Variants in WNT2 observed in about 807,000 individuals in gnomAD.
The protein encoded by WNT2 is Wnt family member 2.
A neutral mutation model predicts 36.9 loss-of-function variants in WNT2; 12 were observed. The ratio of observed to expected loss-of-function variants is 0.33; its 90% confidence interval spans 0.21 to 0.53. The LOEUF is 0.53. Ranked by LOEUF, WNT2 falls within the 20% of genes least tolerant of loss-of-function variation. The probability of loss-of-function intolerance (pLI) is 0.95; values close to 1 mark genes in which losing one functional copy is unlikely to be tolerated. For synonymous variants in WNT2, 163 were observed against 174.6 expected (o/e 0.93, Z 0.52); for missense variants, 379 against 473.1 (o/e 0.80, Z 1.84).
chr7:117,292,563 T>C (rs1295010537), intron 4 of WNT2, among the ~76,000 whole-genome samples: 2 of 152,162 alleles, frequency 1.3e-5, no homozygotes, highest in Non-Finnish European at 2.9e-5. Flanking sequence ...TCTGTCCCCA[T>C]CCAGGAATAA....
In WNT2 at chr7:117,304,432, A is replaced by ATT. The variant is rs3034483; in HGVS notation, c.589-6558_589-6557dup. 4.1e-3 allele frequency among the ~76,000 whole-genome samples: 476 copies of ATT among 116,902 alleles called. 1 individual carries two copies. Among genetic ancestry groups the ATT allele is most frequent in the African/African-American group, 0.014 (437 of 30,896 alleles). 76.7% of individuals were successfully genotyped at this position (116,902 alleles called of 152,430 possible). ...AGCCCCTTTCAATCCTCTCCTCCAC[A>ATT]TTTTTTTTTTTTTTTTTTTTTGAGA... On this transcript the variant is annotated intron_variant, in intron 3 of 4. Coordinates refer to ENST00000265441, the MANE Select transcript of WNT2 (RefSeq NM_003391.3).
At chr7:117,293,990 G>C (rs1304965499) in intron 4 of WNT2, among the ~76,000 whole-genome samples, 1 of 152,162 alleles carries the variant, frequency 6.6e-6, no homozygotes, top group Non-Finnish European at 1.5e-5. Flanking sequence ...TTCTCTCCAG[G>C]ATGACTGACT....
At chr7:117,289,215 G>A (rs922756639) in intron 4 of WNT2, among the ~76,000 whole-genome samples, 4 of 151,754 alleles carry the variant, frequency 2.6e-5, no homozygotes, top group African/African-American at 9.7e-5. Context: ...CCACCACAAC[G>A]CCCGGCTAAT....
intron 3 of WNT2, among the ~76,000 whole-genome samples, chr7:117,299,499 T>C (rs1282112101): frequency 3.3e-5 from 5 of 151,448 alleles, no homozygotes; most frequent in Admixed American, 2.0e-4. Context: ...TCTTTCTTTT[T>C]TTTTTTTTTT....
intron 3 of WNT2, among the ~76,000 whole-genome samples, chr7:117,298,620 C>A (rs1387781465): frequency 2.6e-5 from 4 of 152,158 alleles, no homozygotes; most frequent in African/African-American, 9.7e-5. Flanking sequence ...ATAGAGACCC[C>A]TTTTCTGTGG....
At chr7:117,283,399 C>A (rs957392048) in intron 4 of WNT2, among the ~76,000 whole-genome samples, 1 of 152,242 alleles carries the variant, frequency 6.6e-6, no homozygotes, top group African/African-American at 2.4e-5. Context: ...CCGTACCATG[C>A]ATTAGAATTC....
In WNT2 at chr7:117,297,830, C is replaced by T; in HGVS notation, c.635G>A (p.Ser212Asn). 1.2e-6 allele frequency: 2 copies of T among 1,614,134 alleles called. No homozygotes were observed. Among genetic ancestry groups the T allele is most frequent in the Non-Finnish European group, 1.7e-6 (2 of 1,180,004 alleles). Residue 212 changes from serine to asparagine, a missense_variant, in exon 4 of 5, where the codon AGC (serine) becomes AAC (asparagine). Transcript: ENST00000265441. ...LKQECKCHGV[S>N]GSCTLRTCWL... is the part of the protein sequence containing the mutation. ...GCATGTCCTGAGAGTACATGAGCCG[C>T]TCACCCCGTGGCACTTGCACTCTTG...
In WNT2 at chr7:117,275,947, G is replaced by T. The variant is rs1794352236; in HGVS notation, c.*2208C>A. Among the ~76,000 whole-genome samples the T allele has an allele frequency of 6.6e-6, 1 of 152,176 alleles. No homozygotes were observed. The highest frequency in any genetic ancestry group is 1.5e-5 in the Non-Finnish European group (1 of 68,022). On this transcript the variant is annotated 3_prime_UTR_variant, in exon 5 of 5. Coordinates refer to ENST00000265441, the MANE Select transcript of WNT2 (RefSeq NM_003391.3). Reference sequence around the variant, plus strand: ...ATATCTCAGCATAAAAAGAATGTCAGATCTAAACATACCAGGCATAAAAAA... The same window carrying T: ...ATATCTCAGCATAAAAAGAATGTCATATCTAAACATACCAGGCATAAAAAA...
At chr7:117,312,512 G>T (rs1359344744) in intron 3 of WNT2, among the ~76,000 whole-genome samples, 1 of 152,194 alleles carries the variant, frequency 6.6e-6, no homozygotes, top group African/African-American at 2.4e-5. Context: ...ATGTAATTTG[G>T]AAGTTTTTAT....
intron 4 of WNT2, among the ~76,000 whole-genome samples, chr7:117,292,793 T>C (rs1295655736): frequency 6.6e-6 from 1 of 152,104 alleles, no homozygotes; most frequent in East Asian, 1.9e-4. Context: ...TGGGAGATGT[T>C]TTTTGGGAGA....
In WNT2 at chr7:117,278,272, G is replaced by C; in HGVS notation, c.966C>G (p.Thr322=). 1.2e-6 allele frequency: 2 copies of C among 1,614,230 alleles called. No homozygotes were observed. Among genetic ancestry groups the C allele is most frequent in the Non-Finnish European group, 1.7e-6 (2 of 1,180,042 alleles). ...GYDTSHVTRM[T]KCGCKFHWCC... ...ACCAGTGGAACTTACACCCACACTT[G>C]GTCATCCGGGTGACATGGGAGGTGT... The change falls in exon 5 of 5, where the codon ACC becomes ACG. Residue 322 remains threonine, a synonymous_variant. Coordinates refer to ENST00000265441, the MANE Select transcript of WNT2 (RefSeq NM_003391.3).
chr7:117,282,997 G>A lies in WNT2; in HGVS notation c.854-4613C>T, dbSNP rs73478593. Among the ~76,000 whole-genome samples the A allele has an allele frequency of 3.0e-3, 456 of 152,304 alleles. 3 individuals carry two copies. The highest frequency in any genetic ancestry group is 0.01 in the African/African-American group (436 of 41,558). ...GGATGAGAAAAGTCAAGGTTTCTCA[G>A]GTTCTGGCCTGAGTGACTGTTGGTG... is the stretch of plus-strand genomic sequence containing the variant. On this transcript the variant is annotated intron_variant, in intron 4 of 4. Transcript: ENST00000265441.
chr7:117,298,395 C>T (rs151029067), intron 3 of WNT2, among the ~76,000 whole-genome samples: 78 of 152,088 alleles, frequency 5.1e-4, no homozygotes, highest in African/African-American at 1.6e-3. Context: ...TGCAGATGAC[C>T]GAGAAGCAAG....
At chr7:117,287,206 G>A (rs3779551) in intron 4 of WNT2, among the ~76,000 whole-genome samples, 63,542 of 151,984 alleles carry the variant, frequency 0.42, 13,506 homozygotes, top group Middle Eastern at 0.54. Context: ...AATTAGCTGG[G>A]CATGGTGGCG....
chr7:117,304,170 G>A (rs560505604), intron 3 of WNT2, among the ~76,000 whole-genome samples: 3 of 152,326 alleles, frequency 2.0e-5, no homozygotes, highest in Admixed American at 1.3e-4. Flanking sequence ...GCTTGGCTGG[G>A]TATAGAATTC....
At chr7:117,294,183 G>A (rs1794745038) in intron 4 of WNT2, among the ~76,000 whole-genome samples, 1 of 152,260 alleles carries the variant, frequency 6.6e-6, no homozygotes, top group African/African-American at 2.4e-5. Context: ...ATAGGCATGA[G>A]CCACTGTGCC....
intron 1 of WNT2, among the ~76,000 whole-genome samples, chr7:117,321,072 G>C (rs879876937): frequency 3.3e-4 from 50 of 152,160 alleles, no homozygotes; most frequent in African/African-American, 1.2e-3. Flanking sequence ...TCTGGGCAGG[G>C]GCACAGAGGC....
intron 3 of WNT2, among the ~76,000 whole-genome samples, chr7:117,303,712 A>T (rs1286751344): frequency 6.6e-6 from 1 of 152,234 alleles, no homozygotes; most frequent in African/African-American, 2.4e-5. Context: ...AAACATCTAC[A>T]TAATATTATT....
At position 117,322,789 on chromosome 7, in the gene WNT2, G is replaced by A. The variant is rs1293028101; in HGVS notation, c.83+118C>T. On this transcript the variant is annotated intron_variant, in intron 1 of 4. Coordinates refer to ENST00000265441, the MANE Select transcript of WNT2 (RefSeq NM_003391.3). This position sits in a 1 kb window ranked among gnomAD's most constrained non-coding sequence, Gnocchi z 5.4. ...GATAAGAGGGCAGTAGCCAGGGTTC[G>A]GGCCAGAATCCGAGACTGCTGCGGC... 2.0e-6 allele frequency: 2 copies of A among 982,132 alleles called. No homozygotes were observed. The highest frequency in any genetic ancestry group is 3.2e-6 in the Non-Finnish European group (2 of 630,772). The allele number at this position is 982,132 out of a possible 1,614,324, so 60.8% of individuals were successfully genotyped here.
Sources: allele counts gnomAD v4.1 joint callset (sites outside exome capture counted in the v4.1 genomes callset), GRCh38; gene constraint gnomAD v4.1.1; non-coding constraint Gnocchi (gnomAD v3.1); transcripts MANE v1.5; gene names NCBI Gene and HGNC (gene_info 2026-07-23, HGNC 2026-07-21).